Variants in TNFSF4 observed in about 807,000 individuals in gnomAD.
The protein encoded by TNFSF4 is TNF superfamily member 4.
TNFSF4 carries 4 observed loss-of-function variants against 7.3 expected under a neutral mutation model. The ratio of observed to expected loss-of-function variants is 0.55; its 90% CI spans 0.27 to 1.25. The LOEUF is 1.25. TNFSF4 is among the 50% of genes most tolerant of loss of function. The probability of loss-of-function intolerance (pLI) is 0.12; values close to 1 mark genes in which losing one functional copy is unlikely to be tolerated. For synonymous variants in TNFSF4, 76 were observed against 83.7 expected (o/e 0.91, Z 0.50); for missense variants, 181 against 208.8 (o/e 0.87, Z 0.82).
the TNFSF4 span, among the ~76,000 whole-genome samples, chr1:173,309,326 T>C: frequency 6.6e-6 from 1 of 151,944 alleles, no homozygotes; most frequent in African/African-American, 2.4e-5. Context: ...CATTTCACTA[T>C]TAAGAATGAT....
chr1:173,317,706 G>T, the TNFSF4 span, among the ~76,000 whole-genome samples: 1 of 152,122 alleles, frequency 6.6e-6, no homozygotes, highest in African/African-American at 2.4e-5. Flanking sequence ...TCCTGGATAG[G>T]AAAACCTAAT....
chr1:173,216,693 T>G, the TNFSF4 span, among the ~76,000 whole-genome samples: 25 of 152,154 alleles, frequency 1.6e-4, no homozygotes, highest in Non-Finnish European at 3.2e-4. Flanking sequence ...CACCCCTTTC[T>G]GCCTCCTTAA....
chr1:173,271,031 C>A, the TNFSF4 span, among the ~76,000 whole-genome samples: 1 of 152,054 alleles, frequency 6.6e-6, no homozygotes, highest in Non-Finnish European at 1.5e-5. Context: ...AGTGATGATA[C>A]CAACTATTTA....
chr1:173,405,601 A>C, the TNFSF4 span, among the ~76,000 whole-genome samples: 1 of 152,318 alleles, frequency 6.6e-6, no homozygotes, highest in East Asian at 1.9e-4. Context: ...CACATTATTA[A>C]TGTGTTTGCC....
Position 173,188,662 on chromosome 1 carries a change from A to G in TNFSF4, c.154-93T>C. ...TAATGGAACAGTGAAGCAGAAATGCAGTAGCCTGTAGAGAAAACAAAAACA... is the reference window on the plus strand; with the variant it reads ...TAATGGAACAGTGAAGCAGAAATGCGGTAGCCTGTAGAGAAAACAAAAACA... On this transcript the variant is annotated intron_variant, in intron 1 of 2. Transcript: ENST00000281834. 3.9e-6 allele frequency: 4 copies of G among 1,025,336 alleles called. No individual in the cohort carries two copies. The Admixed American group carries it at 6.3e-5, about 16-fold the overall frequency. The allele number at this position is 1,025,336 out of a possible 1,614,324, so 63.5% of individuals were successfully genotyped here. A position where few individuals can be genotyped will look rare whatever the true frequency, so the allele number is the denominator to read the frequency against.
the TNFSF4 span, among the ~76,000 whole-genome samples, chr1:173,413,094 T>C: frequency 6.6e-6 from 1 of 151,808 alleles, no homozygotes; most frequent in South Asian, 2.1e-4. Flanking sequence ...GATTGAAAAG[T>C]ATTTGCAGAA....
the TNFSF4 span, among the ~76,000 whole-genome samples, chr1:173,177,951 C>T: frequency 0.43 from 65,163 of 152,054 alleles, 17,038 homozygotes; most frequent in African/African-American, 0.74. Flanking sequence ...GGTTACACAT[C>T]TACTTTTCAT....
the TNFSF4 span, among the ~76,000 whole-genome samples, chr1:173,239,946 C>T: frequency 6.6e-6 from 1 of 152,066 alleles, no homozygotes; most frequent in African/African-American, 2.4e-5. Context: ...GCAGGAGAAT[C>T]ACTTGAACTG....
the TNFSF4 span, among the ~76,000 whole-genome samples, chr1:173,318,507 G>A: frequency 2.6e-5 from 4 of 152,250 alleles, no homozygotes; most frequent in Admixed American, 2.6e-4. Flanking sequence ...TGGGGGAAGA[G>A]AATGGAAAAT....
upstream of TNFSF4, among the ~76,000 whole-genome samples, chr1:173,212,212 G>A (rs1346823582): frequency 6.6e-6 from 1 of 152,124 alleles, no homozygotes; most frequent in Non-Finnish European, 1.5e-5. Context: ...CTATTCATGA[G>A]AGACCTGCTT....
the TNFSF4 span, among the ~76,000 whole-genome samples, chr1:173,228,984 G>C: frequency 6.6e-6 from 1 of 152,168 alleles, no homozygotes; most frequent in Admixed American, 6.5e-5. Context: ...GGGGAGAATG[G>C]AACCAAGTTG....
At chr1:173,222,943 G>A in the TNFSF4 span, among the ~76,000 whole-genome samples, 3 of 152,180 alleles carry the variant, frequency 2.0e-5, no homozygotes, top group African/African-American at 4.8e-5. Context: ...CCTTGACAAG[G>A]CTTTCTCCAG....
At chr1:173,305,760 C>T in the TNFSF4 span, among the ~76,000 whole-genome samples, 1 of 151,404 alleles carries the variant, frequency 6.6e-6, no homozygotes, top group African/African-American at 2.4e-5. Flanking sequence ...AGGAAACTTA[C>T]AATCATGGTG....
chr1:173,310,194 A>T, the TNFSF4 span, among the ~76,000 whole-genome samples: 11 of 151,754 alleles, frequency 7.2e-5, no homozygotes, highest in Admixed American at 2.0e-4. Flanking sequence ...TCTTTAGCTT[A>T]AATTTGTTGT....
the TNFSF4 span, among the ~76,000 whole-genome samples, chr1:173,299,453 G>A: frequency 1.7e-3 from 252 of 151,962 alleles, 1 homozygote; most frequent in African/African-American, 5.7e-3. Flanking sequence ...ATGAGGACTT[G>A]TGACTGTTTT....
At chr1:173,290,322 G>A in the TNFSF4 span, among the ~76,000 whole-genome samples, 87 of 152,222 alleles carry the variant, frequency 5.7e-4, no homozygotes, top group Middle Eastern at 6.8e-3. Flanking sequence ...AGCAAGACCC[G>A]ACTATCTACT....
At chr1:173,254,827 C>T in the TNFSF4 span, among the ~76,000 whole-genome samples, 1 of 151,990 alleles carries the variant, frequency 6.6e-6, no homozygotes, top group African/African-American at 2.4e-5. Context: ...AGAGGAACTG[C>T]CTGCAACAAA....
the TNFSF4 span, among the ~76,000 whole-genome samples, chr1:173,243,492 G>A: frequency 6.6e-6 from 1 of 152,232 alleles, no homozygotes; most frequent in South Asian, 2.1e-4. Context: ...TGCAAACCCT[G>A]CTGTCTCAGT....
the TNFSF4 span, among the ~76,000 whole-genome samples, chr1:173,276,127 T>A: frequency 4.6e-5 from 7 of 151,930 alleles, no homozygotes; most frequent in African/African-American, 1.5e-4. Flanking sequence ...TACCTAAGAA[T>A]GAAAAACTAA....
Sources: allele counts gnomAD v4.1 joint callset (sites outside exome capture counted in the v4.1 genomes callset), GRCh38; gene constraint gnomAD v4.1.1; transcripts MANE v1.5; gene names NCBI Gene and HGNC (gene_info 2026-07-23, HGNC 2026-07-21).